The following FRA10AC1 variants were observed in gnomAD, a reference collection of about 807,000 sequenced individuals.
FRA10AC1 encodes the protein FRA10A associated CGG repeat 1, also known as protein FRA10AC1.
In FRA10AC1, 43 loss-of-function variants were observed where a neutral mutation model predicts 56.5. That is an observed-to-expected ratio of 0.76 (90% confidence interval 0.60 to 0.98). The LOEUF (loss-of-function observed/expected upper bound fraction) is 0.98. Ranked by LOEUF, FRA10AC1 falls within the 50% of genes least tolerant of loss-of-function variation. The pLI, the probability that FRA10AC1 is intolerant of heterozygous loss-of-function variation, is 0.00. For synonymous variants in FRA10AC1, 112 were observed against 110.5 expected, an observed-to-expected ratio of 1.01 and a Z score of -0.09; for missense variants, 346 against 351.8, an observed-to-expected ratio of 0.98 and a Z score of 0.13.
chr10:93,692,628 C>T lies in FRA10AC1; in HGVS notation c.380+18G>A, dbSNP rs776712967. On this transcript the variant is annotated intron_variant, in intron 6 of 13. Transcript: ENST00000359204. ...GGACTAAAGCATTTGATGCATTACG[C>T]CTCTGATGGCTAATTACCAAGTCAT... 2 of 1,510,712 alleles carry T rather than the reference C, an allele frequency of 1.3e-6. No homozygotes were observed. The highest frequency in any genetic ancestry group is 1.8e-6 in the Non-Finnish European group (2 of 1,097,846). 93.6% of individuals were successfully genotyped at this position (1,510,712 alleles called of 1,614,324 possible).
chr10:93,686,005 A>C (rs1182498928), intron 8 of FRA10AC1, among the ~76,000 whole-genome samples: 1 of 151,786 alleles, frequency 6.6e-6, no homozygotes, highest in Non-Finnish European at 1.5e-5. Flanking sequence ...ATATATTAAA[A>C]CCTCCAAAAA....
intron 10 of FRA10AC1, among the ~76,000 whole-genome samples, chr10:93,683,181 A>G (rs2058965638): frequency 6.6e-6 from 1 of 152,138 alleles, no homozygotes. Context: ...ACAGGTGATA[A>G]AATTAAGCCT....
chr10:93,694,717 A>T, intron 5 of FRA10AC1, 144 bp downstream of exon 5: 4 of 67,072 alleles, frequency 6.0e-5, no homozygotes, highest in Non-Finnish European at 1.4e-4. Flanking sequence ...CCATCTTAAA[A>T]AAAAAAAAAA....
intron 12 of FRA10AC1, 39 bp downstream of exon 12, chr10:93,676,614 C>T (rs182722950): frequency 8.5e-6 from 13 of 1,532,426 alleles, no homozygotes; most frequent in East Asian, 2.4e-5. Flanking sequence ...GCAAATACCT[C>T]AAATGCATAT....
intron 1 of FRA10AC1, among the ~76,000 whole-genome samples, chr10:93,701,373 C>A (rs1250198680): frequency 6.6e-6 from 1 of 152,200 alleles, no homozygotes; most frequent in Admixed American, 6.5e-5. Context: ...AACTTCATTG[C>A]ATTGGATCTA....
intron 5 of FRA10AC1, among the ~76,000 whole-genome samples, chr10:93,693,211 TAA>T (rs548877208): frequency 7.8e-5 from 9 of 115,654 alleles, no homozygotes; most frequent in Admixed American, 8.8e-5. Context: ...AGTCTGGGGG[TAA>T]AAAAAAAAAG....
At chr10:93,684,750 C>T (rs1019686465) in intron 9 of FRA10AC1, among the ~76,000 whole-genome samples, 1 of 152,134 alleles carries the variant, frequency 6.6e-6, no homozygotes, top group African/African-American at 2.4e-5. Context: ...GACTCTAAAA[C>T]ATGCATCCTA....
intron 11 of FRA10AC1, 50 bp from the exon 12 acceptor site, chr10:93,676,741 A>G (rs1240284860): frequency 6.6e-7 from 1 of 1,514,570 alleles, no homozygotes; most frequent in Admixed American, 2.4e-5. Flanking sequence ...GTAATAGTGC[A>G]ATCATTGTAG....
chr10:93,687,254 C>T (rs966793788), intron 8 of FRA10AC1, 150 bp downstream of exon 8: 1 of 546,756 alleles, frequency 1.8e-6, no homozygotes, highest in Non-Finnish European at 3.1e-6. Flanking sequence ...CAGACCTTTG[C>T]TAATAATGTA....
chr10:93,697,979 T>C (rs764955347), intron 4 of FRA10AC1, among the ~76,000 whole-genome samples, 157 bp downstream of exon 4: 1 of 152,120 alleles, frequency 6.6e-6, no homozygotes, highest in Non-Finnish European at 1.5e-5. Context: ...TAAAAGAGAA[T>C]TGTACCCAAA....
intron 2 of FRA10AC1, among the ~76,000 whole-genome samples, chr10:93,698,820 C>T (rs994349593): frequency 2.0e-5 from 3 of 152,270 alleles, no homozygotes; most frequent in Non-Finnish European, 2.9e-5. Flanking sequence ...ACAGATCCAG[C>T]TCGCCCAACC....
intron 4 of FRA10AC1, among the ~76,000 whole-genome samples, chr10:93,697,414 G>A (rs193242612): frequency 1.3e-5 from 2 of 152,246 alleles, no homozygotes; most frequent in South Asian, 2.1e-4. Context: ...ACAGGTAGGG[G>A]GCGTATCAAA....
rs758375745 is a variant in FRA10AC1 at position 93,691,936 on chromosome 10, GC to G, written c.465+72del. 2.1e-6 allele frequency: 3 copies of G among 1,422,196 alleles called. No individual in the cohort carries two copies. In the South Asian group the frequency reaches 4.0e-5, roughly 19 times the overall value. 88.1% of individuals were successfully genotyped at this position (1,422,196 alleles called of 1,614,324 possible). On this transcript the variant is annotated intron_variant, in intron 7 of 13. Transcript: ENST00000359204. ...AGCATCTTTAAAAGAATAATGTGGG[GC>G]ATGACAGTATAATAAAAGTTAATAT...
intron 5 of FRA10AC1, among the ~76,000 whole-genome samples, chr10:93,693,640 C>CACACCATATATATAT (rs1564820380): frequency 1.7e-5 from 1 of 58,824 alleles, no homozygotes; most frequent in Non-Finnish European, 6.2e-5. Flanking sequence ...CATATATATA[C>CACACCATATATATAT]ACACCATATA....
rs2059203370 is a variant in FRA10AC1, at chr10:93,694,856, C to T, written c.296+5G>A. The stretch of plus-strand genomic sequence containing the variant: ...TCCCTTCTATGTAAACTTCCTGATA[C>T]TTACCCCAAACGCTTGAAGTCTTCT... On this transcript the variant is annotated splice_donor_5th_base_variant and intron_variant, in intron 5 of 13. Coordinates refer to ENST00000359204, the MANE Select transcript of FRA10AC1 (RefSeq NM_145246.5). 1 of 1,520,088 alleles carries T rather than the reference C, an allele frequency of 6.6e-7. No homozygotes were observed. Among genetic ancestry groups the T allele is most frequent in the Non-Finnish European group, 9.0e-7 (1 of 1,105,864 alleles). 94.2% of individuals were successfully genotyped at this position (1,520,088 alleles called of 1,614,324 possible). A position where few individuals can be genotyped will look rare whatever the true frequency, so the allele number is the denominator to read the frequency against.
intron 10 of FRA10AC1, 97 bp from the exon 11 acceptor site, chr10:93,681,695 A>C: frequency 8.9e-7 from 1 of 1,126,594 alleles, no homozygotes. Flanking sequence ...CAGTTAAAAT[A>C]CTTATTTTTT....
At chr10:93,681,641 T>A in intron 10 of FRA10AC1, 43 bp from the exon 11 acceptor site, 1 of 1,420,928 alleles carries the variant, frequency 7.0e-7, no homozygotes, top group Non-Finnish European at 9.3e-7. Context: ...CTTTTCCAAC[T>A]GACCTTTTCA....
At chr10:93,689,755 A>G (rs138062417) in intron 7 of FRA10AC1, among the ~76,000 whole-genome samples, 127 of 152,304 alleles carry the variant, frequency 8.3e-4, no homozygotes, top group Non-Finnish European at 1.2e-3. Flanking sequence ...CCTAGTTTGG[A>G]TTAAAGCTGA....
intron 12 of FRA10AC1, chr10:93,672,146 C>T (rs749512809): frequency 2.4e-6 from 1 of 408,428 alleles, no homozygotes; most frequent in Non-Finnish European, 4.7e-6. Context: ...TTTAGTTAAA[C>T]ACAACATAAA....
Sources: allele counts gnomAD v4.1 joint callset (sites outside exome capture counted in the v4.1 genomes callset), GRCh38; gene constraint gnomAD v4.1.1; transcripts MANE v1.5; gene names NCBI Gene and HGNC (gene_info 2026-07-23, HGNC 2026-07-21).